Variants in KMT2B observed in about 807,000 individuals in gnomAD.
KMT2B encodes lysine methyltransferase 2B, also known as histone-lysine N-methyltransferase 2B.
A neutral mutation model predicts 255.3 loss-of-function variants in KMT2B; 22 were observed. That is an observed-to-expected ratio of 0.09 (90% CI 0.06 to 0.12). The LOEUF is 0.12. Among genes scored for constraint, KMT2B ranks in the 10% least tolerant of loss-of-function variants. The probability of loss-of-function intolerance (pLI) is 1.00; values close to 1 mark genes in which losing one functional copy is unlikely to be tolerated. For missense variants in KMT2B, 3,149 were observed against 3,737.0 expected (o/e 0.84, Z 4.10); for synonymous variants, 1,730 against 1,498.1 (o/e 1.15, Z -3.57).
In KMT2B at chr19:35,736,923, A is replaced by T. The variant is rs2146479298; in HGVS notation, c.7309A>T (p.Thr2437Ser). The T allele has an allele frequency of 6.2e-7, 1 of 1,613,768 alleles. No individual in the cohort carries two copies. Among genetic ancestry groups the T allele is most frequent in the Non-Finnish European group, 8.5e-7 (1 of 1,179,828 alleles). ...EAESLEGAWR[T>S]LIEKVQEARG... ...TGCTGTCTCCCCAGGGGCGTGGAGAACTCTGATCGAGAAAGTGCAAGAGGC... is the reference window on the plus strand; with the variant it reads ...TGCTGTCTCCCCAGGGGCGTGGAGATCTCTGATCGAGAAAGTGCAAGAGGC... Residue 2437 changes from threonine to serine, a missense_variant, in exon 32 of 37, where the codon ACT becomes TCT. Transcript: ENST00000420124.
chr19:35,727,049 CAG>C lies in KMT2B; in HGVS notation c.4004-106_4004-105del, dbSNP rs547303534. The C allele has an allele frequency of 4.2e-3, 2,308 of 555,688 alleles. 9 individuals carry two copies. The highest frequency in any genetic ancestry group is 0.015 in the African/African-American group (760 of 50,626). The allele number at this position is 555,688 out of a possible 1,614,324, so 34.4% of individuals were successfully genotyped here. A position where few individuals can be genotyped will look rare whatever the true frequency, so the allele number is the denominator to read the frequency against. On this transcript the variant is annotated intron_variant, in intron 14 of 36. Transcript: ENST00000420124. This position sits in a 1 kb window ranked among gnomAD's most constrained non-coding sequence, Gnocchi z 4.2. ...TTTAGGGACTAGTAGGGGCCCAAAA[CAG>C]GGGCATAGTGGAGGCAGCTAAGGTA...
Position 35,721,149 on chromosome 19 carries a change from G to C in KMT2B, c.1802G>C (p.Arg601Pro), listed in dbSNP as rs761455591. The change falls in exon 3 of 37, where the codon CGG becomes CCG. Residue 601 changes from arginine (R) to proline (P), a missense_variant. Physicochemically the swap from Arg to Pro is moderately radical, Grantham distance 103 (BLOSUM62 -2). Transcript: ENST00000420124. ...CCAGTTCCACTCCCTGAGAAGAGACGGTCCATCCTAAGGGAACCCACATTT... is the reference window on the plus strand; with the variant it reads ...CCAGTTCCACTCCCTGAGAAGAGACCGTCCATCCTAAGGGAACCCACATTT... Reference protein sequence around the residue: ...STPVPLPEKRRSILREPTFRW... With the variant: ...STPVPLPEKRPSILREPTFRW... The C allele has an allele frequency of 2.5e-6, 4 of 1,594,586 alleles. No homozygotes were observed. The highest frequency in any genetic ancestry group is 2.3e-5 in the East Asian group (1 of 43,346).
At chr19:35,731,216 A>G (rs984798660) in intron 26 of KMT2B, among the ~76,000 whole-genome samples, 3 of 152,238 alleles carry the variant, frequency 2.0e-5, no homozygotes, top group Non-Finnish European at 2.9e-5. Context: ...GTGGCTGAAC[A>G]CAGTAACATG....
rs766067022 is a variant in KMT2B, at chr19:35,721,685, G to A, written c.2338G>A (p.Val780Met). The A allele has an allele frequency of 5.0e-6, 8 of 1,611,252 alleles. No homozygotes were observed. In the East Asian group the frequency reaches 8.9e-5, roughly 18 times the overall value. Residue 780 changes from valine to methionine, a missense_variant, in exon 3 of 37, where the codon GTG becomes ATG. This residue lies in a region of KMT2B where 1,188 missense variants were observed against 1,106.4 expected (regional missense o/e 1.07). Coordinates refer to ENST00000420124, the MANE Select transcript of KMT2B (RefSeq NM_014727.3). ...CCTGGAAAAAGCCCGGATTGCGGGC[G>A]TGGGTTCCTTGCCGCTGTCTGGGGT... ...PPLEKARIAG[V>M]GSLPLSGVEE...
At chr19:35,729,860 C>T in intron 22 of KMT2B, 107 bp from the exon 23 acceptor site, 3 of 1,155,704 alleles carry the variant, frequency 2.6e-6, no homozygotes, top group South Asian at 1.5e-5. Flanking sequence ...TAGGGAGAGC[C>T]TTTGCCGTGC....
In KMT2B at chr19:35,721,087, C is replaced by G. The variant is rs767552559; in HGVS notation, c.1740C>G (p.Val580=). ...CTGTTCCCCAGGAGCCAGCACCAGT[C>G]CCCTCTCCACCACGTGCCCCAACTC... ...SPPVPQEPAP[V]PSPPRAPTPP... Residue 580 remains valine (V), a synonymous_variant, in exon 3 of 37, where the codon GTC becomes GTG. Coordinates refer to ENST00000420124, the MANE Select transcript of KMT2B (RefSeq NM_014727.3). The G allele has an allele frequency of 6.2e-7, 1 of 1,611,010 alleles. No individual in the cohort carries two copies. The highest frequency in any genetic ancestry group is 8.5e-7 in the Non-Finnish European group (1 of 1,179,090).
Position 35,737,785 on chromosome 19 carries a change from G to T in KMT2B, c.7658+42G>T. 1 of 1,549,302 alleles carries T rather than the reference G, an allele frequency of 6.5e-7. No individual in the cohort carries two copies. Among genetic ancestry groups the T allele is most frequent in the South Asian group, 1.2e-5 (1 of 84,210 alleles). On this transcript the variant is annotated intron_variant, in intron 34 of 36. Transcript: ENST00000420124. This position sits in a 1 kb window ranked among gnomAD's most constrained non-coding sequence, Gnocchi z 5.3. ...GGGGGGCGGGTGGTGGTCTGGAAGG[G>T]TCTTAGAGAGTGAGCAGGGGTGAGA...
In KMT2B at chr19:35,718,297, G is replaced by A; in HGVS notation, c.279G>A (p.Arg93=). The A allele has an allele frequency of 8.1e-7, 1 of 1,231,582 alleles. No individual in the cohort carries two copies. The highest frequency in any genetic ancestry group is 1.0e-6 in the Non-Finnish European group (1 of 978,900). 76.3% of individuals were successfully genotyped at this position (1,231,582 alleles called of 1,614,324 possible). Residue 93 remains arginine, a synonymous_variant, in exon 1 of 37, where the codon CGG becomes CGA. Coordinates refer to ENST00000420124, the MANE Select transcript of KMT2B (RefSeq NM_014727.3). The surrounding 1 kb of genome is among the most constrained non-coding windows in gnomAD (Gnocchi z 5.0). ...LWAGPRVQRG[R]GRGRGRGWGP... is the part of the protein sequence containing the mutation. ...CCGGCCCGCGGGTCCAGCGGGGCCG[G>A]GGACGGGGTCGGGGCCGGGGCTGGG...
At chr19:35,726,419 C>T (rs1969447634) in intron 14 of KMT2B, 66 bp downstream of exon 14, 1 of 1,052,900 alleles carries the variant, frequency 9.5e-7, no homozygotes, top group Admixed American at 1.7e-5. Context: ...CTTTTACAGG[C>T]TTTAGCACAG....
intron 30 of KMT2B, chr19:35,736,326 A>G (rs532104267): frequency 1.7e-4 from 34 of 202,294 alleles, no homozygotes; most frequent in South Asian, 1.2e-3. Flanking sequence ...GCAAAATACA[A>G]TTCTCCAGTA....
Position 35,732,217 on chromosome 19 carries a change from A to G in KMT2B, c.5668A>G (p.Ser1890Gly). 2 of 1,591,060 alleles carry G rather than the reference A, an allele frequency of 1.3e-6. No homozygotes were observed. Among genetic ancestry groups the G allele is most frequent in the Non-Finnish European group, 1.7e-6 (2 of 1,165,556 alleles). ...VSFGPLPSPG[S>G]PSSLTHHIPT... Reference sequence around the variant, plus strand: ...TAACACCAACCCTCCCCCCACAGGAAGTCCATCTTCACTGACCCACCACAT... The same window carrying G: ...TAACACCAACCCTCCCCCCACAGGAGGTCCATCTTCACTGACCCACCACAT... The change falls in exon 28 of 37, where the codon AGT becomes GGT. Residue 1890 changes from serine (S) to glycine (G), a missense_variant and splice_region_variant. Transcript: ENST00000420124.
In KMT2B at chr19:35,725,467, C is replaced by A; in HGVS notation, c.3643-12C>A. Reference sequence around the variant, plus strand: ...GCTATGCCCATCATTCACTCCTTTACCCTGTCCCCAGCTGGTGTTCTGTCA... The same window carrying A: ...GCTATGCCCATCATTCACTCCTTTAACCTGTCCCCAGCTGGTGTTCTGTCA... On this transcript the variant is annotated splice_polypyrimidine_tract_variant and intron_variant, in intron 11 of 36. Transcript: ENST00000420124. This position sits in a 1 kb window ranked among gnomAD's most constrained non-coding sequence, Gnocchi z 4.1. 1 of 1,609,884 alleles carries A rather than the reference C, an allele frequency of 6.2e-7. No individual in the cohort carries two copies. The highest frequency in any genetic ancestry group is 8.5e-7 in the Non-Finnish European group (1 of 1,179,834).
chr19:35,722,699 G>T lies in KMT2B; in HGVS notation c.2703G>T (p.Arg901=). The T allele has an allele frequency of 6.2e-7, 1 of 1,603,768 alleles. No homozygotes were observed. Among genetic ancestry groups the T allele is most frequent in the African/African-American group, 1.3e-5 (1 of 74,880 alleles). Residue 901 remains arginine (R), a synonymous_variant, in exon 5 of 37, where the codon CGG becomes CGT. Coordinates refer to ENST00000420124, the MANE Select transcript of KMT2B (RefSeq NM_014727.3). ...PRLSALPLRD[R]QDLATEDTSS... The stretch of plus-strand genomic sequence containing the variant: ...TCAGTGCCCTCCCTCTCCGGGATCG[G>T]CAGGACCTCGCCACAGAGGGTAGGT...
At position 35,727,429 on chromosome 19, in the gene KMT2B, C is replaced by G; in HGVS notation, c.4118-9C>G. On this transcript the variant is annotated splice_polypyrimidine_tract_variant and intron_variant, in intron 15 of 36. Coordinates refer to ENST00000420124, the MANE Select transcript of KMT2B (RefSeq NM_014727.3). The surrounding 1 kb of genome is among the most constrained non-coding windows in gnomAD (Gnocchi z 4.2). ...AACCACTTTTCCCTTTCCCACTTGG[C>G]TATCCTAGATGAAGACTACGAGATC... 1 of 1,613,218 alleles carries G rather than the reference C, an allele frequency of 6.2e-7. No homozygotes were observed.
In KMT2B at chr19:35,730,695, C is replaced by T. The variant is rs202220830; in HGVS notation, c.5277-12C>T. The stretch of plus-strand genomic sequence containing the variant: ...TTCCCAAGCATCCTAACCGTCTTAT[C>T]CCACATGCCAGGTGCTCCCGTCTGT... On this transcript the variant is annotated splice_polypyrimidine_tract_variant and intron_variant, in intron 25 of 36. Transcript: ENST00000420124. 5.8e-5 allele frequency: 93 copies of T among 1,613,804 alleles called. No individual in the cohort carries two copies. The highest frequency in any genetic ancestry group is 7.5e-5 in the Non-Finnish European group (89 of 1,179,892).
At position 35,718,023 on chromosome 19, in the gene KMT2B, C is replaced by T. The variant is rs1969019681; in HGVS notation, c.5C>T (p.Ala2Val). The T allele has an allele frequency of 3.1e-6, 3 of 975,668 alleles. No individual in the cohort carries two copies. Among genetic ancestry groups the T allele is most frequent in the Non-Finnish European group, 3.6e-6 (3 of 822,360 alleles). 60.4% of individuals were successfully genotyped at this position (975,668 alleles called of 1,614,324 possible). Residue 2 changes from alanine to valine, a missense_variant, in exon 1 of 37, where the codon GCG becomes GTG. By Grantham distance (64) the Ala-to-Val change is moderately conservative (BLOSUM62 0). Coordinates refer to ENST00000420124, the MANE Select transcript of KMT2B (RefSeq NM_014727.3). The surrounding 1 kb of genome is among the most constrained non-coding windows in gnomAD (Gnocchi z 5.0). M[A>V]AAAGGGSCPG... ...GGCCCCTCTCACGGTGCCAAGATGG[C>T]GGCGGCGGCGGGCGGCGGCAGTTGC...
At position 35,725,800 on chromosome 19, in the gene KMT2B, G is replaced by A. The variant is rs146372727; in HGVS notation, c.3867G>A (p.Thr1289=). The A allele has an allele frequency of 2.0e-4, 320 of 1,581,588 alleles. 2 individuals are homozygous for A. The African/African-American group carries it at 2.5e-3, about 12-fold the overall frequency. The change falls in exon 13 of 37, where the codon ACG becomes ACA. Residue 1289 remains threonine (T), a synonymous_variant. Coordinates refer to ENST00000420124, the MANE Select transcript of KMT2B (RefSeq NM_014727.3). This position sits in a 1 kb window ranked among gnomAD's most constrained non-coding sequence, Gnocchi z 4.1. ...CLGPSYPTRA[T]RKRRHWICSA... is the part of the protein sequence containing the mutation. The stretch of plus-strand genomic sequence containing the variant: ...GGCCCAGCTATCCAACCCGGGCCAC[G>A]CGCAAACGGCGCCACTGGGTGAGAG...
At chr19:35,726,114 T>G in intron 13 of KMT2B, 122 bp from the exon 14 acceptor site, 1 of 737,378 alleles carries the variant, frequency 1.4e-6, no homozygotes, top group South Asian at 1.6e-5. Flanking sequence ...GCGTGTTTTC[T>G]CCTCTTACCT....
chr19:35,734,845 T>C (rs1599700038), intron 30 of KMT2B, among the ~76,000 whole-genome samples: 1 of 152,268 alleles, frequency 6.6e-6, no homozygotes, highest in African/African-American at 2.4e-5. Context: ...TTGGATTTTC[T>C]CATGACACAC....
Sources: gnomAD v4.1 joint callset for allele counts (sites outside exome capture counted in the v4.1 genomes callset) on GRCh38, gnomAD v4.1.1 for gene constraint, gnomAD v4.1.1 regional missense constraint, Gnocchi (gnomAD v3.1) non-coding constraint, MANE v1.5 for transcripts, NCBI Gene and HGNC (gene_info 2026-07-23, HGNC 2026-07-21) for gene names.